Variants in PRELID2 observed in about 807,000 individuals in gnomAD.
PRELID2 encodes PRELI domain containing 2.
PRELID2 carries 25 observed loss-of-function variants against 28.4 expected under a neutral mutation model. The ratio of observed to expected loss-of-function variants is 0.88; its 90% CI spans 0.64 to 1.23. PRELID2 has a LOEUF of 1.23. Ranked by LOEUF, PRELID2 falls within the 50% of genes most tolerant of loss-of-function variation. The probability of loss-of-function intolerance (pLI) is 0.00; values close to 1 mark genes in which losing one functional copy is unlikely to be tolerated. For synonymous variants in PRELID2, 76 were observed against 71.6 expected (o/e 1.06, Z -0.31); for missense variants, 201 against 214.4 (o/e 0.94, Z 0.39).
At chr5:145,241,257 G>C in the PRELID2 span, among the ~76,000 whole-genome samples, 1 of 151,806 alleles carries the variant, frequency 6.6e-6, no homozygotes, top group Admixed American at 6.6e-5. Context: ...TACTGGTCTG[G>C]CTCATAAATA....
intron 1 of PRELID2, among the ~76,000 whole-genome samples, chr5:145,526,195 A>T (rs1472703570): frequency 6.6e-6 from 1 of 152,150 alleles, no homozygotes; most frequent in African/African-American, 2.4e-5. Context: ...TATTATTACA[A>T]ACGTAGAAAC....
At chr5:145,714,910 G>T (rs1043751307) in intron 1 of PRELID2, among the ~76,000 whole-genome samples, 3 of 152,006 alleles carry the variant, frequency 2.0e-5, no homozygotes, top group African/African-American at 7.2e-5. Flanking sequence ...CCACTCAGCA[G>T]CTAATCCTGG....
At chr5:145,483,520 T>C (rs1580953956) in intron 1 of PRELID2, among the ~76,000 whole-genome samples, 1 of 152,216 alleles carries the variant, frequency 6.6e-6, no homozygotes, top group Non-Finnish European at 1.5e-5. Flanking sequence ...CACAGACTCA[T>C]GAGCCTAATA....
At chr5:145,295,571 A>G in the PRELID2 span, among the ~76,000 whole-genome samples, 1 of 152,292 alleles carries the variant, frequency 6.6e-6, no homozygotes, top group African/African-American at 2.4e-5. Context: ...CAATGTGGAT[A>G]TAAGTACTGA....
the PRELID2 span, among the ~76,000 whole-genome samples, chr5:145,403,512 A>C: frequency 6.6e-6 from 1 of 152,196 alleles, no homozygotes; most frequent in African/African-American, 2.4e-5. Flanking sequence ...TGCTGGCCCT[A>C]TCCCTTCTAA....
At chr5:145,292,705 ACACTTTT>A in the PRELID2 span, among the ~76,000 whole-genome samples, 2 of 152,152 alleles carry the variant, frequency 1.3e-5, no homozygotes, top group Admixed American at 6.6e-5. Flanking sequence ...CTCATTTCCC[ACACTTTT>A]ACTTTATTTT....
chr5:145,309,925 G>A, the PRELID2 span, among the ~76,000 whole-genome samples: 1 of 152,180 alleles, frequency 6.6e-6, no homozygotes, highest in Non-Finnish European at 1.5e-5. Context: ...GGACCAACTG[G>A]AGTAGTCTGT....
At chr5:145,230,046 GCCAGATAGAC>G in the PRELID2 span, 1 of 695,954 alleles carries the variant, frequency 1.4e-6, no homozygotes, top group Non-Finnish European at 2.7e-6. Flanking sequence ...TAAGTTCACT[GCCAGATAGAC>G]CCCTGTACCA....
chr5:145,643,694 C>T (rs556797495), intron 1 of PRELID2, among the ~76,000 whole-genome samples: 1 of 152,150 alleles, frequency 6.6e-6, no homozygotes, highest in East Asian at 1.9e-4. Flanking sequence ...TCCATCAATA[C>T]CTAGTTTTTT....
the PRELID2 span, among the ~76,000 whole-genome samples, chr5:145,365,056 T>C: frequency 2.0e-5 from 3 of 152,050 alleles, no homozygotes; most frequent in South Asian, 2.1e-4. Context: ...TGATGTCTTA[T>C]AGGAACTCAT....
At chr5:145,612,264 A>G (rs1003468610) in intron 1 of PRELID2, among the ~76,000 whole-genome samples, 1 of 152,214 alleles carries the variant, frequency 6.6e-6, no homozygotes, top group Non-Finnish European at 1.5e-5. Flanking sequence ...TAAGGGAAAG[A>G]CTTATATAAT....
the PRELID2 span, among the ~76,000 whole-genome samples, chr5:145,344,366 G>T: frequency 1.3e-5 from 2 of 151,946 alleles, no homozygotes; most frequent in Non-Finnish European, 2.9e-5. Context: ...ACTGATAAAT[G>T]AGATACATCT....
At chr5:145,573,337 C>CTT (rs549025004) in intron 1 of PRELID2, among the ~76,000 whole-genome samples, 3 of 146,298 alleles carry the variant, frequency 2.1e-5, no homozygotes, top group African/African-American at 7.5e-5. Context: ...TTTTTCTTTT[C>CTT]TTTTTTTTTT....
At chr5:145,507,173 C>T (rs1193406773) in intron 1 of PRELID2, among the ~76,000 whole-genome samples, 2 of 152,084 alleles carry the variant, frequency 1.3e-5, no homozygotes, top group African/African-American at 4.8e-5. Context: ...GTTAGTCCCT[C>T]AGCATATTTT....
the PRELID2 span, among the ~76,000 whole-genome samples, chr5:145,253,553 T>C: frequency 1.3e-5 from 2 of 152,028 alleles, no homozygotes; most frequent in Non-Finnish European, 2.9e-5. Context: ...AATACAAAAC[T>C]CTCATAAGAA....
the PRELID2 span, among the ~76,000 whole-genome samples, chr5:145,257,142 G>A: frequency 6.6e-6 from 1 of 151,742 alleles, no homozygotes; most frequent in Non-Finnish European, 1.5e-5. Flanking sequence ...TATTTAAAAG[G>A]CTATTGACTC....
At chr5:145,622,367 G>A (rs1753785162) in intron 1 of PRELID2, among the ~76,000 whole-genome samples, 1 of 152,092 alleles carries the variant, frequency 6.6e-6, no homozygotes, top group Non-Finnish European at 1.5e-5. Flanking sequence ...AAAAAGAATA[G>A]TAGTGAAATA....
At chr5:145,479,690 T>C (rs184059611) in intron 1 of PRELID2, among the ~76,000 whole-genome samples, 1 of 152,336 alleles carries the variant, frequency 6.6e-6, no homozygotes, top group Admixed American at 6.5e-5. Flanking sequence ...TAATCTCTCA[T>C]AGTTCCCCAG....
At chr5:145,588,438 C>T (rs1753182754) in intron 1 of PRELID2, among the ~76,000 whole-genome samples, 1 of 152,088 alleles carries the variant, frequency 6.6e-6, no homozygotes, top group Non-Finnish European at 1.5e-5. Flanking sequence ...AATCTGACTG[C>T]TTTTGTCCCA....
Sources: allele counts gnomAD v4.1 joint callset (sites outside exome capture counted in the v4.1 genomes callset), GRCh38; gene constraint gnomAD v4.1.1; transcripts MANE v1.5; gene names NCBI Gene and HGNC (gene_info 2026-07-23, HGNC 2026-07-21).